Variants in MAT2B observed in about 807,000 individuals in gnomAD.
MAT2B encodes methionine adenosyltransferase 2 subunit beta.
Under a neutral mutation model 36.1 loss-of-function variants are expected in MAT2B, and 16 were observed. The ratio of observed to expected loss-of-function variants is 0.44; its 90% CI spans 0.30 to 0.67. The LOEUF is 0.67. MAT2B is among the 30% of genes least tolerant of loss of function. The probability of loss-of-function intolerance (pLI) is 0.09; values close to 1 mark genes in which losing one functional copy is unlikely to be tolerated. For missense variants in MAT2B, 332 were observed against 398.2 expected (o/e 0.83, Z 1.42); for synonymous variants, 148 against 136.9 (o/e 1.08, Z -0.57).
chr5:163,511,322 A>C (rs988013299), intron 1 of MAT2B, among the ~76,000 whole-genome samples: 2 of 151,206 alleles, frequency 1.3e-5, no homozygotes, highest in African/African-American at 2.4e-5. Context: ...ACTGGAGTGC[A>C]TGTCATGATC....
intron 1 of MAT2B, among the ~76,000 whole-genome samples, chr5:163,509,642 A>G (rs1224100654): frequency 6.6e-6 from 1 of 152,208 alleles, no homozygotes; most frequent in Non-Finnish European, 1.5e-5. Context: ...GAAGAAACCA[A>G]ATTATCTCTC....
chr5:163,504,623 T>G (rs768946996), upstream of MAT2B, among the ~76,000 whole-genome samples: 1 of 152,248 alleles, frequency 6.6e-6, no homozygotes, highest in Non-Finnish European at 1.5e-5. Flanking sequence ...ACCCTTGGAC[T>G]GTTCGGTGCA....
intron 1 of MAT2B, among the ~76,000 whole-genome samples, chr5:163,508,742 C>T (rs1360651945): frequency 2.0e-5 from 3 of 151,834 alleles, no homozygotes; most frequent in South Asian, 2.1e-4. Flanking sequence ...CTCAGCCTCC[C>T]GAGTAGCTTA....
chr5:163,503,645 C>G (rs564241324), upstream of MAT2B, among the ~76,000 whole-genome samples: 1 of 152,190 alleles, frequency 6.6e-6, no homozygotes, highest in African/African-American at 2.4e-5. Flanking sequence ...GTCTCACTAG[C>G]TGACAATACA....
Position 163,512,185 on chromosome 5 carries a change from C to A in MAT2B, c.247C>A (p.His83Asn), listed in dbSNP as rs201956239. The change falls in exon 2 of 7, where the codon CAT (histidine) becomes AAT (asparagine). Residue 83 changes from histidine to asparagine, a missense_variant. Coordinates refer to ENST00000321757, the MANE Select transcript of MAT2B (RefSeq NM_013283.5). ...TTCTAATGCAGTTCATCACATCATT[C>A]ATGATTTTCAGGTATGATTTAGGTT... ...LDSNAVHHIIHDFQPHVIVHC... is the reference protein window; with the variant it reads ...LDSNAVHHIINDFQPHVIVHC... The A allele has an allele frequency of 1.9e-5, 30 of 1,613,190 alleles. No individual in the cohort carries two copies. The Middle Eastern group carries it at 4.9e-4, about 27-fold the overall frequency.
At position 163,513,548 on chromosome 5, in the gene MAT2B, C is replaced by T. The variant is rs1760082709; in HGVS notation, c.259-7C>T. On this transcript the variant is annotated splice_polypyrimidine_tract_variant and splice_region_variant and intron_variant, in intron 2 of 6. Coordinates refer to ENST00000321757, the MANE Select transcript of MAT2B (RefSeq NM_013283.5). ...GAGTTAAAAATACGTCAATGCTTAACTTCTAGCCCCATGTTATAGTACATT... is the reference window on the plus strand; with the variant it reads ...GAGTTAAAAATACGTCAATGCTTAATTTCTAGCCCCATGTTATAGTACATT... 1 of 1,538,326 alleles carries T rather than the reference C, an allele frequency of 6.5e-7. No individual in the cohort carries two copies. Among genetic ancestry groups the T allele is most frequent in the Non-Finnish European group, 9.0e-7 (1 of 1,114,428 alleles).
intron 1 of MAT2B, among the ~76,000 whole-genome samples, chr5:163,507,755 C>T (rs1759969555): frequency 6.6e-6 from 1 of 152,118 alleles, no homozygotes; most frequent in African/African-American, 2.4e-5. Flanking sequence ...CTCAACAAAA[C>T]AGTGTAAAAG....
In MAT2B at chr5:163,511,883, T is replaced by A. The variant is rs780821459; in HGVS notation, c.64-119T>A. On this transcript the variant is annotated intron_variant, in intron 1 of 6. Transcript: ENST00000321757. ...TAACTTTAGAATTGGCTTGCAGATATGGGACATGAGTCAAAATACGTAGAA... is the reference window on the plus strand; with the variant it reads ...TAACTTTAGAATTGGCTTGCAGATAAGGGACATGAGTCAAAATACGTAGAA... The A allele has an allele frequency of 5.3e-6, 4 of 748,536 alleles. No homozygotes were observed. The South Asian group carries it at 5.6e-5, about 10-fold the overall frequency. The allele number at this position is 748,536 out of a possible 1,614,324, so 46.4% of individuals were successfully genotyped here.
intron 1 of MAT2B, among the ~76,000 whole-genome samples, chr5:163,511,274 A>T (rs111859570): frequency 7.1e-4 from 107 of 149,790 alleles, no homozygotes; most frequent in South Asian, 2.5e-3. Flanking sequence ...AATTAAAAAA[A>T]TTTTTTTTTT....
chr5:163,514,532 G>A (rs570318771), intron 4 of MAT2B, among the ~76,000 whole-genome samples: 7 of 152,258 alleles, frequency 4.6e-5, no homozygotes, highest in East Asian at 1.9e-4. Context: ...CTGCCTCAGG[G>A]AGATAAACAC....
At chr5:163,512,448 C>G in intron 2 of MAT2B, 1 of 513,328 alleles carries the variant, frequency 1.9e-6, no homozygotes, top group Non-Finnish European at 3.5e-6. Flanking sequence ...CTAAGTAATA[C>G]TTTCTCTGCA....
chr5:163,510,561 AT>A (rs1179516890), intron 1 of MAT2B, among the ~76,000 whole-genome samples: 1 of 151,580 alleles, frequency 6.6e-6, no homozygotes, highest in Non-Finnish European at 1.5e-5. Flanking sequence ...CGCCTGGCTA[AT>A]TTTTTTGTAT....
At chr5:163,503,146 C>G (rs1759874806), upstream of MAT2B, 1 of 441,922 alleles carries the variant, frequency 2.3e-6, no homozygotes, top group Non-Finnish European at 4.1e-6. Context: ...GGCAATTAAA[C>G]ATGAAACTTC....
At chr5:163,505,512 T>C (rs1043106720), upstream of MAT2B, 3 of 1,238,520 alleles carry the variant, frequency 2.4e-6, no homozygotes, top group East Asian at 3.2e-5. Context: ...TTCTGGGGCG[T>C]CGGCGGAGCG....
At chr5:163,517,771 C>G in intron 6 of MAT2B, 97 bp downstream of exon 6, 1 of 716,344 alleles carries the variant, frequency 1.4e-6, no homozygotes. Context: ...TCAAAGTGAA[C>G]TTTGCTTGTA....
chr5:163,516,701 A>G lies in MAT2B; in HGVS notation c.710A>G (p.Lys237Arg), dbSNP rs776338371. The change falls in exon 5 of 7, where the codon AAG becomes AGG. Residue 237 changes from lysine to arginine, a missense_variant. Physicochemically the swap from Lys to Arg is conservative, Grantham distance 26. Transcript: ENST00000321757. ...ACTGTGTGCCGGCAGCTAGCAGAGA[A>G]GAGAATGCTGGTAAGAAGGATTCCT... The part of the protein sequence containing the change: ...VATVCRQLAE[K>R]RMLDPSIKGT... The G allele has an allele frequency of 6.2e-7, 1 of 1,614,008 alleles. No individual in the cohort carries two copies. Among genetic ancestry groups the G allele is most frequent in the Non-Finnish European group, 8.5e-7 (1 of 1,179,884 alleles).
chr5:163,517,031 C>T (rs1253661656), intron 5 of MAT2B: 1 of 456,582 alleles, frequency 2.2e-6, no homozygotes, highest in East Asian at 3.4e-5. Context: ...TGGCTCACAC[C>T]TGTAATCCCA....
chr5:163,515,609 C>G (rs1581215222), intron 4 of MAT2B, among the ~76,000 whole-genome samples: 1 of 151,620 alleles, frequency 6.6e-6, no homozygotes, highest in East Asian at 1.9e-4. Flanking sequence ...TCCTTTATTG[C>G]TTTTATTTTT....
chr5:163,510,621 T>C (rs1044473292), intron 1 of MAT2B, among the ~76,000 whole-genome samples: 2 of 152,116 alleles, frequency 1.3e-5, no homozygotes, highest in Non-Finnish European at 2.9e-5. Context: ...GGTCTTGAAC[T>C]CCTGACCTCA....
Sources: allele counts gnomAD v4.1 joint callset (sites outside exome capture counted in the v4.1 genomes callset), GRCh38; gene constraint gnomAD v4.1.1; transcripts MANE v1.5; gene names NCBI Gene and HGNC (gene_info 2026-07-23, HGNC 2026-07-21).